Variants in ABCA1 observed in about 807,000 individuals in gnomAD.
ABCA1 encodes ATP binding cassette subfamily A member 1, also known as phospholipid-transporting ATPase ABCA1.
Under a neutral mutation model 262.5 loss-of-function variants are expected in ABCA1, and 133 were observed. The observed-to-expected ratio is 0.51, with a 90% CI of 0.44 to 0.59. The LOEUF is 0.59. ABCA1 is among the 20% of genes least tolerant of loss of function. The pLI, the probability that ABCA1 is intolerant of heterozygous loss-of-function variation, is 0.00. For synonymous variants in ABCA1, 1,022 were observed against 1,043.5 expected, an observed-to-expected ratio of 0.98 and a Z score of 0.40; for missense variants, 2,452 against 2,777.5, an observed-to-expected ratio of 0.88 and a Z score of 2.63.
chr9:104,854,772 G>A (rs1156980775), intron 7 of ABCA1, among the ~76,000 whole-genome samples: 3 of 152,018 alleles, frequency 2.0e-5, no homozygotes, highest in East Asian at 1.9e-4. Context: ...TACAATGAGC[G>A]CACTCCATAA....
chr9:104,827,127 C>A lies in ABCA1; in HGVS notation c.2158G>T (p.Val720Phe), dbSNP rs1832877024. 1 of 1,614,166 alleles carries A rather than the reference C, an allele frequency of 6.2e-7. No individual in the cohort carries two copies. Among genetic ancestry groups the A allele is most frequent in the Non-Finnish European group, 8.5e-7 (1 of 1,180,034 alleles). ...ACCACAGCAAACACGGACAGGAAGA[C>A]AAACACCACGCTGGGATCACTGTAG... ...LPYSDPSVVF[V>F]FLSVFAVVTI... is the part of the protein sequence containing the mutation. Residue 720 changes from valine to phenylalanine, a missense_variant, in exon 16 of 50, where the codon GTC (valine) becomes TTC (phenylalanine). Val to Phe is a conservative substitution (Grantham distance 50). This residue lies in a region of ABCA1 where 1,032 missense variants were observed against 1,089.7 expected (regional missense o/e 0.95). Coordinates refer to ENST00000374736, the MANE Select transcript of ABCA1 (RefSeq NM_005502.4).
At chr9:104,924,118 T>A (rs757599425) in intron 1 of ABCA1, among the ~76,000 whole-genome samples, 1 of 152,196 alleles carries the variant, frequency 6.6e-6, no homozygotes, top group Non-Finnish European at 1.5e-5. Flanking sequence ...AAGTGTCTAT[T>A]CAACACTGCA....
In ABCA1 at chr9:104,818,710, G is replaced by A; in HGVS notation, c.3415C>T (p.Leu1139Phe). The change falls in exon 23 of 50, where the codon CTC (leucine) becomes TTC (phenylalanine). Residue 1139 changes from leucine (L) to phenylalanine (F), a missense_variant. Coordinates refer to ENST00000374736, the MANE Select transcript of ABCA1 (RefSeq NM_005502.4). ...CTACTACTGTTTCTGCAGGAACTGA[G>A]GGAGGATTCCACATCTTTCTTGACC... ...TLVKKDVESS[L>F]SSCRNSSSTV... 6.2e-7 allele frequency: 1 copy of A among 1,613,608 alleles called. No homozygotes were observed. Among genetic ancestry groups the A allele is most frequent in the East Asian group, 2.2e-5 (1 of 44,880 alleles).
intron 11 of ABCA1, among the ~76,000 whole-genome samples, chr9:104,833,445 G>A (rs1833525212): frequency 6.6e-6 from 1 of 152,136 alleles, no homozygotes; most frequent in Non-Finnish European, 1.5e-5. Context: ...ACCTCCCCAA[G>A]TGCTGGGATT....
chr9:104,871,224 CACCAGACACCAA>C (rs1214842817), intron 5 of ABCA1, among the ~76,000 whole-genome samples: 1 of 152,196 alleles, frequency 6.6e-6, no homozygotes, highest in Non-Finnish European at 1.5e-5. Context: ...GAGCAGCCCT[CACCAGACACCAA>C]ACCTGCCAAC....
intron 14 of ABCA1, among the ~76,000 whole-genome samples, chr9:104,830,191 C>T (rs997315032): frequency 1.3e-5 from 2 of 152,222 alleles, no homozygotes; most frequent in Non-Finnish European, 2.9e-5. Context: ...GAGGAAGAAG[C>T]TTTGTTCAGT....
chr9:104,850,612 C>A (rs1389482189), intron 7 of ABCA1, among the ~76,000 whole-genome samples: 1 of 152,174 alleles, frequency 6.6e-6, no homozygotes, highest in Non-Finnish European at 1.5e-5. Flanking sequence ...ATAAAATTAA[C>A]CCCAGGAAAG....
chr9:104,842,922 C>T (rs564876377), intron 8 of ABCA1, among the ~76,000 whole-genome samples: 3 of 152,172 alleles, frequency 2.0e-5, no homozygotes, highest in African/African-American at 4.8e-5. Context: ...CTCTCCTCCC[C>T]CCACCACTTG....
chr9:104,875,268 A>G (rs1201184144), intron 5 of ABCA1, among the ~76,000 whole-genome samples: 1 of 148,906 alleles, frequency 6.7e-6, no homozygotes, highest in Non-Finnish European at 1.5e-5. Context: ...GCTTGAATCC[A>G]GGAGGCGGTG....
rs1391607336 is a variant in ABCA1 at position 104,781,032 on chromosome 9, T to A, written c.*3283A>T. Reference sequence around the variant, plus strand: ...GTAGACCAACAGAACTGTCACAGCTTTATTTTGTGACTCATTATATTACAA... The same window carrying A: ...GTAGACCAACAGAACTGTCACAGCTATATTTTGTGACTCATTATATTACAA... On this transcript the variant is annotated 3_prime_UTR_variant, in exon 50 of 50. Coordinates refer to ENST00000374736, the MANE Select transcript of ABCA1 (RefSeq NM_005502.4). The A allele has an allele frequency of 1.3e-5, 2 of 152,668 alleles. No homozygotes were observed. The highest frequency in any genetic ancestry group is 6.5e-5 in the Admixed American group (1 of 15,288). 9.5% of individuals were successfully genotyped at this position (152,668 alleles called of 1,614,324 possible).
intron 30 of ABCA1, among the ~76,000 whole-genome samples, chr9:104,807,259 G>T (rs771000507): frequency 6.6e-6 from 1 of 152,096 alleles, no homozygotes; most frequent in Non-Finnish European, 1.5e-5. Flanking sequence ...GGATGACTGG[G>T]GTGAGAATGC....
rs546497790 is a variant in ABCA1 at position 104,832,920 on chromosome 9, G to A, written c.1312-149C>T. 151 of 756,516 alleles carry A rather than the reference G, an allele frequency of 2.0e-4. 2 individuals are homozygous for A. In the East Asian group the frequency reaches 4.0e-3, roughly 20 times the overall value. 46.9% of individuals were successfully genotyped at this position (756,516 alleles called of 1,614,324 possible). A position where few individuals can be genotyped will look rare whatever the true frequency, so the allele number is the denominator to read the frequency against. On this transcript the variant is annotated intron_variant, in intron 11 of 49. Coordinates refer to ENST00000374736, the MANE Select transcript of ABCA1 (RefSeq NM_005502.4). Reference sequence around the variant, plus strand: ...ATGACAGTGTCCCTATTTTATATGTGAGAAGACTGAGGCTGAAGAAAAAAA... The same window carrying A: ...ATGACAGTGTCCCTATTTTATATGTAAGAAGACTGAGGCTGAAGAAAAAAA...
intron 27 of ABCA1, among the ~76,000 whole-genome samples, chr9:104,812,992 C>A (rs531856168): frequency 6.6e-6 from 1 of 152,176 alleles, no homozygotes; most frequent in African/African-American, 2.4e-5. Flanking sequence ...GGTGTTCATG[C>A]GTAACCAGGT....
At chr9:104,837,145 C>T (rs779991399) in intron 10 of ABCA1, 49 bp from the exon 11 acceptor site, 1 of 1,458,806 alleles carries the variant, frequency 6.9e-7, no homozygotes, top group Middle Eastern at 2.3e-4. Flanking sequence ...AGGAGAAGCA[C>T]AGACAATGAG....
chr9:104,792,547 T>C (rs4149328), intron 42 of ABCA1, among the ~76,000 whole-genome samples: 1 of 152,116 alleles, frequency 6.6e-6, no homozygotes, highest in Non-Finnish European at 1.5e-5. Flanking sequence ...AACACATAAA[T>C]GTAAGCATAT....
intron 6 of ABCA1, chr9:104,861,346 G>A (rs1836365885): frequency 6.2e-6 from 3 of 483,840 alleles, no homozygotes; most frequent in African/African-American, 1.9e-5. Context: ...CCTTAACCAC[G>A]GTTATTGCCT....
rs1175050567 is a variant in ABCA1 at position 104,832,748 on chromosome 9, AT to A, written c.1334del (p.Asn445MetfsTer12). 1 of 1,614,218 alleles carries A rather than the reference AT, an allele frequency of 6.2e-7. No individual in the cohort carries two copies. Among genetic ancestry groups the A allele is most frequent in the South Asian group, 1.1e-5 (1 of 91,086 alleles). ...CCAACTGCTGTTCCCAAAAGTGGTC[AT>A]TGTCCCTGCTGTCCAACAGCATCTG... ...LVRMLLDSRD[N>X]DHFWEQQLDG... On this transcript the variant is annotated frameshift_variant, in exon 12 of 50. Transcript: ENST00000374736. LOFTEE classifies it high-confidence loss of function.
Position 104,845,545 on chromosome 9 carries a change from A to C in ABCA1, c.745T>G (p.Phe249Val). Residue 249 changes from phenylalanine to valine, a missense_variant, in exon 8 of 50, where the codon TTC (phenylalanine) becomes GTC (valine). Physicochemically the swap from Phe to Val is conservative, Grantham distance 50. Coordinates refer to ENST00000374736, the MANE Select transcript of ABCA1 (RefSeq NM_005502.4). Reference sequence around the variant, plus strand: ...GCTTCAGCCAGCTCCTTGCTCGGGAAGGGAGATGTAGAGTTTAGTGTTCTC... The same window carrying C: ...GCTTCAGCCAGCTCCTTGCTCGGGACGGGAGATGTAGAGTTTAGTGTTCTC... ...ILRTLNSTSP[F>V]PSKELAEATK... 1 of 1,613,824 alleles carries C rather than the reference A, an allele frequency of 6.2e-7. No homozygotes were observed. The highest frequency in any genetic ancestry group is 8.5e-7 in the Non-Finnish European group (1 of 1,179,744).
chr9:104,819,138 G>T (rs1033385336), intron 22 of ABCA1, among the ~76,000 whole-genome samples: 1 of 152,196 alleles, frequency 6.6e-6, no homozygotes, highest in Non-Finnish European at 1.5e-5. Context: ...TAGGTGGTTT[G>T]TGTGCATTCT....
Sources: allele counts gnomAD v4.1 joint callset (sites outside exome capture counted in the v4.1 genomes callset), GRCh38; gene constraint gnomAD v4.1.1; regional missense constraint gnomAD v4.1.1; transcripts MANE v1.5; gene names NCBI Gene and HGNC (gene_info 2026-07-23, HGNC 2026-07-21).